The following MTNR1A variants were observed in gnomAD, a reference collection of about 807,000 sequenced individuals.
MTNR1A encodes the protein melatonin receptor type 1A.
In MTNR1A, 7 loss-of-function variants were observed where a neutral mutation model predicts 5.5. That is an observed-to-expected ratio of 1.28 (90% CI 0.73 to 2.40). MTNR1A has a LOEUF of 2.40. Among genes scored for constraint, MTNR1A ranks in the 30% most tolerant of loss-of-function variants. MTNR1A has a pLI of 0.00. For synonymous variants in MTNR1A, 196 were observed against 202.7 expected, an observed-to-expected ratio of 0.97 and a Z score of 0.28; for missense variants, 441 against 464.4, an observed-to-expected ratio of 0.95 and a Z score of 0.46.
At chr4:186,546,669 CCCTGTTCATGCCACCCACACCACA>C (rs1370442412) in intron 1 of MTNR1A, among the ~76,000 whole-genome samples, 1 of 151,574 alleles carries the variant, frequency 6.6e-6, no homozygotes. Context: ...CCACATCACA[CCCTGTTCATGCCACCCACACCACA>C]CCTGTTCATA....
intron 1 of MTNR1A, among the ~76,000 whole-genome samples, chr4:186,540,111 T>A (rs1736976462): frequency 6.6e-6 from 1 of 152,142 alleles, no homozygotes; most frequent in Non-Finnish European, 1.5e-5. Context: ...AAACTCCCCC[T>A]TATAGAACCA....
rs117946948 is a variant in MTNR1A, at chr4:186,552,782, G to A, written c.184+2400C>T. Among the ~76,000 whole-genome samples, 70 of 152,296 alleles carry A rather than the reference G, an allele frequency of 4.6e-4. No individual in the cohort carries two copies. The East Asian group carries it at 0.012, about 25-fold the overall frequency. Reference sequence around the variant, plus strand: ...AGCACAGCAAGGATCTAATCCTAGCGTTCCATTGCGGGAATCGTCCCTTAT... The same window carrying A: ...AGCACAGCAAGGATCTAATCCTAGCATTCCATTGCGGGAATCGTCCCTTAT... On this transcript the variant is annotated intron_variant, in intron 1 of 1. Transcript: ENST00000307161.
intron 1 of MTNR1A, among the ~76,000 whole-genome samples, chr4:186,541,338 G>T (rs535858396): frequency 6.6e-6 from 1 of 152,290 alleles, no homozygotes; most frequent in South Asian, 2.1e-4. Context: ...AGGGCCACAG[G>T]TTTAGATCTG....
In MTNR1A at chr4:186,539,132, G is replaced by A. The variant is rs188268705; in HGVS notation, c.185-4575C>T. 3.4e-4 allele frequency among the ~76,000 whole-genome samples: 51 copies of A among 149,392 alleles called. No homozygotes were observed. In the Middle Eastern group the frequency reaches 0.01, roughly 31 times the overall value. On this transcript the variant is annotated intron_variant, in intron 1 of 1. Transcript: ENST00000307161. ...CTAGGGAGGCTGAGGCAGGAGAATCGCTTGAACCCAGAAGGCGAAGGTTGC... is the reference window on the plus strand; with the variant it reads ...CTAGGGAGGCTGAGGCAGGAGAATCACTTGAACCCAGAAGGCGAAGGTTGC...
rs2111361408 is a variant in MTNR1A at position 186,533,743 on chromosome 4, C to G, written c.999G>C (p.Trp333Cys). 6.2e-7 allele frequency: 1 copy of G among 1,614,224 alleles called. No individual in the cohort carries two copies. Among genetic ancestry groups the G allele is most frequent in the Non-Finnish European group, 8.5e-7 (1 of 1,180,038 alleles). Reference sequence around the variant, plus strand: ...TGTTGGTCATCAGTGGAGACGGTTTCCATTTAACCCTATCGGCCACGTCGT... The same window carrying G: ...TGTTGGTCATCAGTGGAGACGGTTTGCATTTAACCCTATCGGCCACGTCGT... Reference protein sequence around the residue: ...SSNDVADRVKWKPSPLMTNNN... With the variant: ...SSNDVADRVKCKPSPLMTNNN... The change falls in exon 2 of 2, where the codon TGG (tryptophan) becomes TGC (cysteine). Residue 333 changes from tryptophan (W) to cysteine (C), a missense_variant. Physicochemically the swap from Trp to Cys is radical, Grantham distance 215 (BLOSUM62 -2). Transcript: ENST00000307161.
rs760124132 is a variant in MTNR1A at position 186,555,144 on chromosome 4, C to G, written c.184+38G>C. On this transcript the variant is annotated intron_variant, in intron 1 of 1. Transcript: ENST00000307161. This position sits in a 1 kb window ranked among gnomAD's most constrained non-coding sequence, Gnocchi z 4.1. ...GGCTGCCCGCGGAGAGGCGCTGCGT[C>G]CGGAGCGCTGGCCCAGGGGAGGCGG... 20 of 1,567,960 alleles carry G rather than the reference C, an allele frequency of 1.3e-5. No individual in the cohort carries two copies. The highest frequency in any genetic ancestry group is 1.8e-5 in the Admixed American group (1 of 54,236).
chr4:186,535,256 G>T (rs1025795068), intron 1 of MTNR1A, among the ~76,000 whole-genome samples: 1 of 151,950 alleles, frequency 6.6e-6, no homozygotes, highest in Non-Finnish European at 1.5e-5. Flanking sequence ...CTTATTCTAC[G>T]ACTCCCTCAC....
chr4:186,553,407 C>A lies in MTNR1A; in HGVS notation c.184+1775G>T, dbSNP rs560052767. ...CTACAGGAATATCCTCTTAAGAGCA[C>A]GTCTTAGCAAATAAAATACAAAGTG... On this transcript the variant is annotated intron_variant, in intron 1 of 1. Coordinates refer to ENST00000307161, the MANE Select transcript of MTNR1A (RefSeq NM_005958.4). 5.3e-5 allele frequency among the ~76,000 whole-genome samples: 8 copies of A among 152,290 alleles called. No individual in the cohort carries two copies. In the South Asian group the frequency reaches 1.2e-3, roughly 24 times the overall value.
chr4:186,549,223 C>CATAAGAGATTT (rs11273086), intron 1 of MTNR1A, among the ~76,000 whole-genome samples: 1 of 151,856 alleles, frequency 6.6e-6, no homozygotes, highest in African/African-American at 2.4e-5. Flanking sequence ...CTTCCAAGAA[C>CATAAGAGATTT]ATATTCCTAA....
chr4:186,552,393 C>T (rs1737282301), intron 1 of MTNR1A, among the ~76,000 whole-genome samples: 1 of 152,138 alleles, frequency 6.6e-6, no homozygotes, highest in Non-Finnish European at 1.5e-5. Flanking sequence ...TGTACTCTAC[C>T]TCAGTTAGAT....
chr4:186,537,670 C>T (rs947336986), intron 1 of MTNR1A, among the ~76,000 whole-genome samples: 1 of 152,214 alleles, frequency 6.6e-6, no homozygotes, highest in Non-Finnish European at 1.5e-5. Flanking sequence ...AGTCGTACGA[C>T]TACTTAGTGA....
chr4:186,548,831 A>ATG (rs1392403306), intron 1 of MTNR1A, among the ~76,000 whole-genome samples: 1 of 98,598 alleles, frequency 1.0e-5, no homozygotes, highest in African/African-American at 4.1e-5. Flanking sequence ...ATATATATAT[A>ATG]TATATATATA....
At chr4:186,544,361 C>T (rs984662076) in intron 1 of MTNR1A, among the ~76,000 whole-genome samples, 1 of 152,148 alleles carries the variant, frequency 6.6e-6, no homozygotes. Context: ...CTAGATATGC[C>T]GTTATTAACT....
At chr4:186,551,949 AAAT>A (rs1432152553) in intron 1 of MTNR1A, among the ~76,000 whole-genome samples, 2 of 152,118 alleles carry the variant, frequency 1.3e-5, no homozygotes, top group Admixed American at 6.6e-5. Context: ...CACACAGATT[AAAT>A]AATAATAATA....
intron 1 of MTNR1A, among the ~76,000 whole-genome samples, chr4:186,537,917 C>T (rs1046564778): frequency 6.6e-6 from 1 of 152,202 alleles, no homozygotes; most frequent in Admixed American, 6.5e-5. Context: ...AGACGAACAG[C>T]GATCAGCCTT....
intron 1 of MTNR1A, among the ~76,000 whole-genome samples, chr4:186,536,756 A>T (rs2111368346): frequency 6.6e-6 from 1 of 152,364 alleles, no homozygotes; most frequent in East Asian, 1.9e-4. Context: ...TACTTTAAAA[A>T]TTGGTTGTAT....
chr4:186,549,528 C>T (rs1266982228), intron 1 of MTNR1A, among the ~76,000 whole-genome samples: 3 of 152,152 alleles, frequency 2.0e-5, no homozygotes, highest in Non-Finnish European at 4.4e-5. Flanking sequence ...GTTCTCTCCT[C>T]GTAAGATAAC....
At chr4:186,546,617 A>C (rs960244707) in intron 1 of MTNR1A, among the ~76,000 whole-genome samples, 6 of 143,854 alleles carry the variant, frequency 4.2e-5, no homozygotes, top group Non-Finnish European at 6.0e-5. Context: ...CACCCTGTTC[A>C]TACAACAACA....
intron 1 of MTNR1A, among the ~76,000 whole-genome samples, chr4:186,535,560 C>T (rs1403026831): frequency 2.6e-5 from 4 of 152,198 alleles, no homozygotes; most frequent in South Asian, 4.2e-4. Context: ...CACAGGTGCA[C>T]ACCACCACAC....
Sources: gnomAD v4.1 joint callset for allele counts (sites outside exome capture counted in the v4.1 genomes callset) on GRCh38, gnomAD v4.1.1 for gene constraint, Gnocchi (gnomAD v3.1) non-coding constraint, MANE v1.5 for transcripts, NCBI Gene and HGNC (gene_info 2026-07-23, HGNC 2026-07-21) for gene names.